CD72: variants seen among roughly 807,000 people sequenced by gnomAD.
CD72 encodes B-cell differentiation antigen CD72.
Under a neutral mutation model 50.7 loss-of-function variants are expected in CD72, and 28 were observed. That is an observed-to-expected ratio of 0.55 (90% CI 0.41 to 0.76). CD72 has a LOEUF of 0.76. Among genes scored for constraint, CD72 ranks in the 30% least tolerant of loss-of-function variants. The pLI, the probability that CD72 is intolerant of heterozygous loss-of-function variation, is 0.00. For synonymous variants in CD72, 176 were observed against 171.2 expected (o/e 1.03, Z -0.22); for missense variants, 403 against 420.6 (o/e 0.96, Z 0.37).
At chr9:35,617,419 T>A (rs1468164154) in intron 2 of CD72, among the ~76,000 whole-genome samples, 172 bp from the exon 3 acceptor site, 1 of 152,096 alleles carries the variant, frequency 6.6e-6, no homozygotes, top group Non-Finnish European at 1.5e-5. Context: ...TGCCCGGGAC[T>A]CTCTCGGCTT....
At chr9:35,633,675 A>G (rs1314043150) in intron 1 of CD72, among the ~76,000 whole-genome samples, 1 of 152,158 alleles carries the variant, frequency 6.6e-6, no homozygotes, top group Non-Finnish European at 1.5e-5. Flanking sequence ...ATCCCTTTGC[A>G]GGAAGTCTTC....
At chr9:35,635,462 G>C (rs1021673596) in intron 1 of CD72, among the ~76,000 whole-genome samples, 1 of 152,100 alleles carries the variant, frequency 6.6e-6, no homozygotes, top group Non-Finnish European at 1.5e-5. Flanking sequence ...AGCAATGACT[G>C]TCCTCTCCTT....
chr9:35,610,569 T>C, intron 8 of CD72, 33 bp downstream of exon 8: 2 of 1,547,714 alleles, frequency 1.3e-6, no homozygotes, highest in Non-Finnish European at 1.8e-6. Context: ...GCCCCTGGAC[T>C]CCCCATGCCT....
rs975262047 is a variant in CD72, at chr9:35,644,006, C to T, written n.408+2397G>A. Among the ~76,000 whole-genome samples the T allele has an allele frequency of 3.4e-5, 5 of 148,866 alleles. No homozygotes were observed. The East Asian group carries it at 8.0e-4, about 24-fold the overall frequency. ...GTCTCAAAACAAACAAACAAACAAA[C>T]TGTAGAAGGCACTTTAGAACGCTTC... On this transcript the variant is annotated intron_variant and non_coding_transcript_variant, in intron 1 of 3. Transcript: ENST00000465754.
At chr9:35,633,780 A>G (rs1823267249) in intron 1 of CD72, among the ~76,000 whole-genome samples, 1 of 152,246 alleles carries the variant, frequency 6.6e-6, no homozygotes, top group Non-Finnish European at 1.5e-5. Context: ...CGAAAAACCC[A>G]TCATAAGTAG....
At chr9:35,621,832 C>T (rs1297016682), upstream of CD72, among the ~76,000 whole-genome samples, 1 of 152,196 alleles carries the variant, frequency 6.6e-6, no homozygotes, top group African/African-American at 2.4e-5. Flanking sequence ...CAAGAAGCCT[C>T]TGAGAGCTGG....
intron 1 of CD72, among the ~76,000 whole-genome samples, chr9:35,643,986 AAAACAAACAAAC>A (rs760031923): frequency 1.3e-5 from 2 of 151,778 alleles, no homozygotes; most frequent in Non-Finnish European, 2.9e-5. Flanking sequence ...ACTCCGTCTC[AAAACAAACAAAC>A]AAACAAACTG....
At chr9:35,625,851 G>A (rs918947847) in intron 1 of CD72, among the ~76,000 whole-genome samples, 4 of 152,116 alleles carry the variant, frequency 2.6e-5, no homozygotes, top group African/African-American at 9.7e-5. Context: ...TTTGTCCACA[G>A]CACAGTTTAG....
intron 1 of CD72, among the ~76,000 whole-genome samples, chr9:35,630,407 T>C (rs7027356): frequency 0.025 from 3,867 of 152,264 alleles, 109 homozygotes; most frequent in African/African-American, 0.064. Flanking sequence ...TAAAAAATAG[T>C]TTTTTCTTTG....
chr9:35,636,827 C>G (rs1823294975), intron 1 of CD72, among the ~76,000 whole-genome samples: 1 of 152,162 alleles, frequency 6.6e-6, no homozygotes. Context: ...CCTGTCAGGC[C>G]TCTGAGCCCA....
chr9:35,638,377 C>T (rs1190281181), intron 1 of CD72, among the ~76,000 whole-genome samples: 1 of 152,112 alleles, frequency 6.6e-6, no homozygotes, highest in East Asian at 1.9e-4. Flanking sequence ...TCCTCTTCAG[C>T]CTCCGCTCCC....
intron 1 of CD72, among the ~76,000 whole-genome samples, chr9:35,640,124 T>C (rs1047980617): frequency 1.3e-5 from 2 of 152,242 alleles, no homozygotes; most frequent in Non-Finnish European, 2.9e-5. Flanking sequence ...TCAACCAAAA[T>C]TGGTGTACTA....
In CD72 at chr9:35,616,671, C is replaced by G. The variant is rs367704318; in HGVS notation, c.281G>C (p.Arg94Pro). Residue 94 changes from arginine to proline, a missense_variant, in exon 4 of 9, where the codon CGA becomes CCA. Arg to Pro is a moderately radical substitution (Grantham distance 103). Coordinates refer to ENST00000259633, the MANE Select transcript of CD72 (RefSeq NM_001782.3). ...GAGGAGCAGGCCGAGCAGGAGGTATCGCAGGCAGGTTGTGCGGCCTTAGGG... is the reference window on the plus strand; with the variant it reads ...GAGGAGCAGGCCGAGCAGGAGGTATGGCAGGCAGGTTGTGCGGCCTTAGGG... Reference protein sequence around the residue: ...RILPCRTTCLRYLLLGLLLTC... With the variant: ...RILPCRTTCLPYLLLGLLLTC... 6.2e-7 allele frequency: 1 copy of G among 1,613,660 alleles called. No individual in the cohort carries two copies. Among genetic ancestry groups the G allele is most frequent in the Non-Finnish European group, 8.5e-7 (1 of 1,179,958 alleles).
chr9:35,623,845 C>T (rs140888411), upstream of CD72, among the ~76,000 whole-genome samples: 1,294 of 152,114 alleles, frequency 8.5e-3, 12 homozygotes, highest in Middle Eastern at 0.031. Flanking sequence ...ACCCAGGAGG[C>T]GGAGCTTGCA....
At chr9:35,618,564 A>G, upstream of CD72, 1 of 796,996 alleles carries the variant, frequency 1.3e-6, no homozygotes, top group Non-Finnish European at 2.0e-6. Context: ...ACACAGGGGT[A>G]GGGGATGGGC....
Position 35,617,379 on chromosome 9 carries a change from A to G in CD72, c.191-132T>C, listed in dbSNP as rs1460512886. The G allele has an allele frequency of 6.3e-6, 6 of 959,824 alleles. No homozygotes were observed. In the Admixed American group the frequency reaches 1.8e-4, roughly 28 times the overall value. 59.5% of individuals were successfully genotyped at this position (959,824 alleles called of 1,614,324 possible). On this transcript the variant is annotated intron_variant, in intron 2 of 8. Coordinates refer to ENST00000259633, the MANE Select transcript of CD72 (RefSeq NM_001782.3). ...CGTTGCCTGCTAGAGCTGCTCTGGG[A>G]CACAGTGTCACTCTCCTGAGTTCCT...
In CD72 at chr9:35,610,012, G is replaced by A. The variant is rs1328837934; in HGVS notation, c.*311C>T. 7.1e-6 allele frequency: 3 copies of A among 421,438 alleles called. No homozygotes were observed. Among genetic ancestry groups the A allele is most frequent in the Non-Finnish European group, 1.3e-5 (3 of 238,156 alleles). 26.1% of individuals were successfully genotyped at this position (421,438 alleles called of 1,614,324 possible). On this transcript the variant is annotated 3_prime_UTR_variant, in exon 9 of 9. Transcript: ENST00000259633. Reference sequence around the variant, plus strand: ...TAAAAAGATTTCAATAAAACTGCCTGGCTGGCTCCGGGCCGCCCCTATCCG... The same window carrying A: ...TAAAAAGATTTCAATAAAACTGCCTAGCTGGCTCCGGGCCGCCCCTATCCG...
chr9:35,633,770 C>T (rs1037883789), intron 1 of CD72, among the ~76,000 whole-genome samples: 9 of 152,130 alleles, frequency 5.9e-5, no homozygotes, highest in Admixed American at 5.9e-4. Context: ...GACTACGTTC[C>T]GAAAAACCCA....
chr9:35,623,708 G>A (rs983192794), upstream of CD72, among the ~76,000 whole-genome samples: 28 of 152,260 alleles, frequency 1.8e-4, no homozygotes, highest in African/African-American at 6.5e-4. Flanking sequence ...CCTGAGGTCA[G>A]GAGTTCAAGA....
Sources: allele counts gnomAD v4.1 joint callset (sites outside exome capture counted in the v4.1 genomes callset), GRCh38; gene constraint gnomAD v4.1.1; transcripts MANE v1.5; gene names NCBI Gene and HGNC (gene_info 2026-07-23, HGNC 2026-07-21).